Variants in CDYL2 observed in about 807,000 individuals in gnomAD.
The protein encoded by CDYL2 is chromodomain Y-like protein 2.
CDYL2 carries 23 observed loss-of-function variants against 49.4 expected under a neutral mutation model. That is an observed-to-expected ratio of 0.47 (90% confidence interval 0.34 to 0.66). The LOEUF (loss-of-function observed/expected upper bound fraction) is 0.66, where lower values mean the gene tolerates loss of function less well. Ranked by LOEUF, CDYL2 falls within the 30% of genes least tolerant of loss-of-function variation. The pLI, the probability that CDYL2 is intolerant of heterozygous loss-of-function variation, is 0.01. For synonymous variants in CDYL2, 360 were observed against 268.8 expected, an observed-to-expected ratio of 1.34 and a Z score of -3.32; for missense variants, 678 against 656.4, an observed-to-expected ratio of 1.03 and a Z score of -0.36.
chr16:80,766,762 A>G (rs1484193108), intron 1 of CDYL2, among the ~76,000 whole-genome samples: 1 of 152,196 alleles, frequency 6.6e-6, no homozygotes, highest in African/African-American at 2.4e-5. Context: ...TGCCTCTACA[A>G]AAAGAAAGTG....
chr16:80,638,417 C>A (rs1907936187), intron 2 of CDYL2, among the ~76,000 whole-genome samples: 1 of 152,164 alleles, frequency 6.6e-6, no homozygotes, highest in South Asian at 2.1e-4. Flanking sequence ...CCAACTTGAT[C>A]TATAGACTCA....
intron 1 of CDYL2, among the ~76,000 whole-genome samples, chr16:80,721,513 T>A (rs1904997599): frequency 6.6e-6 from 1 of 152,208 alleles, no homozygotes; most frequent in Non-Finnish European, 1.5e-5. Context: ...TCCAAACTGC[T>A]TCTTGAGCTC....
At chr16:80,771,507 C>T (rs751391464) in intron 1 of CDYL2, among the ~76,000 whole-genome samples, 3 of 152,210 alleles carry the variant, frequency 2.0e-5, no homozygotes, top group Non-Finnish European at 2.9e-5. Flanking sequence ...AGTTTGAGAC[C>T]AGCCTGGCCA....
chr16:80,676,839 T>C (rs1465289891), intron 2 of CDYL2, among the ~76,000 whole-genome samples: 3 of 152,206 alleles, frequency 2.0e-5, no homozygotes, highest in African/African-American at 7.2e-5. Context: ...AGGGGTTATC[T>C]GCTCTAGAAT....
intron 5 of CDYL2, among the ~76,000 whole-genome samples, chr16:80,609,541 G>A (rs761465318): frequency 2.6e-5 from 4 of 152,192 alleles, no homozygotes; most frequent in Non-Finnish European, 5.9e-5. Context: ...AACACAAATG[G>A]AGGACTTGAT....
chr16:80,641,778 A>G (rs952864606), intron 2 of CDYL2, among the ~76,000 whole-genome samples: 54 of 150,886 alleles, frequency 3.6e-4, no homozygotes, highest in Non-Finnish European at 6.8e-4. Flanking sequence ...GGATAGCATT[A>G]GGAGATATAC....
At chr16:80,787,420 G>C (rs1198312526) in intron 1 of CDYL2, among the ~76,000 whole-genome samples, 2 of 152,060 alleles carry the variant, frequency 1.3e-5, no homozygotes, top group South Asian at 2.1e-4. Context: ...CCCTTCCTTA[G>C]GAAGTTTCCT....
chr16:80,685,408 C>A (rs914299040), intron 1 of CDYL2, among the ~76,000 whole-genome samples: 1 of 152,186 alleles, frequency 6.6e-6, no homozygotes, highest in Non-Finnish European at 1.5e-5. Context: ...CATGTCCATC[C>A]AGGCTTACTT....
intron 2 of CDYL2, among the ~76,000 whole-genome samples, chr16:80,635,951 C>G (rs188806574): frequency 4.6e-5 from 7 of 152,272 alleles, no homozygotes; most frequent in African/African-American, 1.7e-4. Flanking sequence ...CTGACAAAAA[C>G]AAGCAATGGG....
intron 1 of CDYL2, among the ~76,000 whole-genome samples, chr16:80,733,818 G>A (rs1356130522): frequency 6.6e-6 from 1 of 152,116 alleles, no homozygotes; most frequent in East Asian, 1.9e-4. Context: ...CTCATTTTCT[G>A]CCTTCAATCT....
Position 80,801,441 on chromosome 16 carries a change from T to C in CDYL2, c.24+2709A>G, listed in dbSNP as rs577246732. ...TGGAGGTTCACTCTTTACAACTTAA[T>C]TGTCTGAAATGCCAAAGAAAAGATG... On this transcript the variant is annotated intron_variant, in intron 1 of 6. Transcript: ENST00000570137. Among the ~76,000 whole-genome samples, 38 of 152,352 alleles carry C rather than the reference T, an allele frequency of 2.5e-4. 1 individual carries two copies. In the South Asian group the frequency reaches 7.4e-3, roughly 30 times the overall value.
At chr16:80,710,971 G>C (rs907351738) in intron 1 of CDYL2, among the ~76,000 whole-genome samples, 4 of 152,198 alleles carry the variant, frequency 2.6e-5, no homozygotes, top group African/African-American at 4.8e-5. Context: ...TCTGAATCCT[G>C]AACTACAGCT....
chr16:80,742,050 C>A (rs986843642), intron 1 of CDYL2: 2 of 152,138 alleles, frequency 1.3e-5, no homozygotes, highest in African/African-American at 4.8e-5. Context: ...GTATTTTAAC[C>A]CTTTAAAAAA....
intron 1 of CDYL2, among the ~76,000 whole-genome samples, chr16:80,746,391 G>A (rs760832563): frequency 1.3e-5 from 2 of 152,154 alleles, no homozygotes; most frequent in Non-Finnish European, 2.9e-5. Context: ...AGACAAGCTC[G>A]AAATGTTCCA....
intron 3 of CDYL2, among the ~76,000 whole-genome samples, chr16:80,624,754 G>A (rs903518703): frequency 6.6e-6 from 1 of 152,016 alleles, no homozygotes; most frequent in African/African-American, 2.4e-5. Context: ...GAGAATATGG[G>A]GAAAAAATAG....
intron 1 of CDYL2, among the ~76,000 whole-genome samples, chr16:80,716,817 G>A (rs1195122415): frequency 6.6e-6 from 1 of 151,494 alleles, no homozygotes; most frequent in Non-Finnish European, 1.5e-5. Flanking sequence ...CTGAATGAAT[G>A]GCTGAATAGA....
chr16:80,715,576 G>A (rs1265009835), intron 1 of CDYL2, among the ~76,000 whole-genome samples: 4 of 151,922 alleles, frequency 2.6e-5, no homozygotes, highest in Admixed American at 6.6e-5. Context: ...GCACCCCTCC[G>A]GCCTCCCTTT....
chr16:80,736,809 C>A (rs1287665488), intron 1 of CDYL2, among the ~76,000 whole-genome samples: 2 of 152,124 alleles, frequency 1.3e-5, no homozygotes, highest in African/African-American at 4.8e-5. Flanking sequence ...TTAGGGCTTC[C>A]TTCAATTATG....
intron 1 of CDYL2, among the ~76,000 whole-genome samples, chr16:80,710,781 AT>A (rs1319577465): frequency 1.4e-4 from 22 of 152,192 alleles, no homozygotes; most frequent in Admixed American, 1.4e-3. Context: ...CTGTGTTTAA[AT>A]TTTTTTAAAA....
Sources: gnomAD v4.1 joint callset for allele counts (sites outside exome capture counted in the v4.1 genomes callset) on GRCh38, gnomAD v4.1.1 for gene constraint, MANE v1.5 for transcripts, NCBI Gene and HGNC (gene_info 2026-07-23, HGNC 2026-07-21) for gene names.